DTHD1: variants seen among roughly 807,000 people sequenced by gnomAD.
The protein encoded by DTHD1 is death domain-containing protein 1.
Under a neutral mutation model 74.8 loss-of-function variants are expected in DTHD1, and 59 were observed. The ratio of observed to expected loss-of-function variants is 0.79; its 90% CI spans 0.64 to 0.98. The LOEUF is 0.98. DTHD1 is among the 50% of genes least tolerant of loss of function. DTHD1 has a pLI of 0.00. For missense variants in DTHD1, 1,051 were observed against 1,065.4 expected, an observed-to-expected ratio of 0.99 and a Z score of 0.19; for synonymous variants, 365 against 371.1, an observed-to-expected ratio of 0.98 and a Z score of 0.19.
chr4:36,345,207 A>G lies in DTHD1; in HGVS notation c.*1383A>G, dbSNP rs1292000446. On this transcript the variant is annotated 3_prime_UTR_variant, in exon 10 of 10. Coordinates refer to ENST00000639862, the MANE Select transcript of DTHD1 (RefSeq NM_001170700.3). ...ATTAAAAATAAACAAAACATCTGTA[A>G]ATAGAACATTAAAATGAAAGAAAAA... The G allele has an allele frequency of 3.3e-5, 5 of 152,192 alleles. No homozygotes were observed. The highest frequency in any genetic ancestry group is 6.6e-5 in the Admixed American group (1 of 15,264). 9.4% of individuals were successfully genotyped at this position (152,192 alleles called of 1,614,324 possible).
chr4:36,292,834 T>G (rs1226726309), intron 3 of DTHD1, among the ~76,000 whole-genome samples: 1 of 152,190 alleles, frequency 6.6e-6, no homozygotes, highest in Non-Finnish European at 1.5e-5. Flanking sequence ...ATTTTAAGCT[T>G]TGGTGATTAT....
In DTHD1 at chr4:36,316,457, A is replaced by G. The variant is rs1355998435; in HGVS notation, c.2311A>G (p.Ile771Val). 1 of 1,549,748 alleles carries G rather than the reference A, an allele frequency of 6.5e-7. No individual in the cohort carries two copies. Among genetic ancestry groups the G allele is most frequent in the East Asian group, 2.4e-5 (1 of 40,912 alleles). ...TAATGAAAACCATTCTCAGTTGCCA[A>G]TTTGCAAATTACCATTGAAATTGCC... is the stretch of plus-strand genomic sequence containing the variant. ...VINENHSQLP[I>V]CKLPLKLPKH... is the part of the protein sequence containing the mutation. The change falls in exon 8 of 10, where the codon ATT (isoleucine) becomes GTT (valine). Residue 771 changes from isoleucine to valine, a missense_variant. By Grantham distance (29) the Ile-to-Val change is conservative. Transcript: ENST00000639862.
At chr4:36,312,349 C>G (rs1188264145) in intron 7 of DTHD1, among the ~76,000 whole-genome samples, 3 of 151,898 alleles carry the variant, frequency 2.0e-5, no homozygotes, top group African/African-American at 7.3e-5. Context: ...TCTATCTCTA[C>G]ACCTATATAA....
intron 6 of DTHD1, 87 bp downstream of exon 6, chr4:36,306,439 AT>A (rs1578456770): frequency 7.6e-7 from 1 of 1,321,664 alleles, no homozygotes. Flanking sequence ...GTAAGATTAA[AT>A]TTTTATTCTT....
Position 36,285,654 on chromosome 4 carries a change from A to AT in DTHD1, c.887+1063_887+1064insT, listed in dbSNP as rs1553965768. On this transcript the variant is annotated intron_variant, in intron 2 of 9. Coordinates refer to ENST00000639862, the MANE Select transcript of DTHD1 (RefSeq NM_001170700.3). ...AACACGCTTAGAAGTGAAAAAAAAA[A>AT]ATATGTGTTTTGGGCATCAGACAAA... Among the ~76,000 whole-genome samples, 21 of 151,392 alleles carry AT rather than the reference A, an allele frequency of 1.4e-4. 1 individual carries two copies. The highest frequency in any genetic ancestry group is 7.7e-4 in the East Asian group (4 of 5,176).
chr4:36,321,862 C>A (rs993089), intron 8 of DTHD1, among the ~76,000 whole-genome samples: 41,490 of 152,052 alleles, frequency 0.27, 6,061 homozygotes, highest in South Asian at 0.39. Context: ...CTGCTCTACT[C>A]GCCTCCTCAC....
At chr4:36,301,392 T>C (rs942167919) in intron 5 of DTHD1, among the ~76,000 whole-genome samples, 4 of 152,026 alleles carry the variant, frequency 2.6e-5, no homozygotes, top group Non-Finnish European at 5.9e-5. Flanking sequence ...ATTTTGGGAG[T>C]AGCTCATATC....
chr4:36,345,142 G>A lies in DTHD1; in HGVS notation c.*1318G>A, dbSNP rs750376641. 1.3e-5 allele frequency: 2 copies of A among 152,070 alleles called. No homozygotes were observed. Among genetic ancestry groups the A allele is most frequent in the Non-Finnish European group, 2.9e-5 (2 of 68,002 alleles). 9.4% of individuals were successfully genotyped at this position (152,070 alleles called of 1,614,324 possible). A position where few individuals can be genotyped will look rare whatever the true frequency, so the allele number is the denominator to read the frequency against. On this transcript the variant is annotated 3_prime_UTR_variant, in exon 10 of 10. Transcript: ENST00000639862. ...AGGAAGAAAACCTGCTTTAAAATTA[G>A]TTAACAGAAGCCTTATTACATAAGC...
At chr4:36,308,593 G>C (rs936774585) in intron 7 of DTHD1, 100 bp downstream of exon 7, 3 of 950,518 alleles carry the variant, frequency 3.2e-6, no homozygotes, top group Non-Finnish European at 4.5e-6. Flanking sequence ...ACCTTCAGAG[G>C]ATTGACGAGA....
In DTHD1 at chr4:36,344,344, C is replaced by A. The variant is rs1427900318; in HGVS notation, c.*520C>A. ...GTTCGGGGTAGAGCTTGCTTTTATG[C>A]ATTTTAGGGAGTTATAATATATCAA... On this transcript the variant is annotated 3_prime_UTR_variant, in exon 10 of 10. Coordinates refer to ENST00000639862, the MANE Select transcript of DTHD1 (RefSeq NM_001170700.3). The A allele has an allele frequency of 6.4e-6, 1 of 156,530 alleles. No homozygotes were observed. Among genetic ancestry groups the A allele is most frequent in the East Asian group, 1.9e-4 (1 of 5,308 alleles). The allele number at this position is 156,530 out of a possible 1,614,324, so 9.7% of individuals were successfully genotyped here.
intron 8 of DTHD1, among the ~76,000 whole-genome samples, chr4:36,318,149 G>A (rs1757836570): frequency 6.6e-6 from 1 of 152,168 alleles, no homozygotes; most frequent in Non-Finnish European, 1.5e-5. Flanking sequence ...AATTTGCCCA[G>A]GTTCTCATGG....
intron 4 of DTHD1, among the ~76,000 whole-genome samples, chr4:36,294,493 T>C (rs1407070536): frequency 2.0e-5 from 3 of 152,056 alleles, no homozygotes; most frequent in Non-Finnish European, 2.9e-5. Flanking sequence ...GAAATCATTA[T>C]AAAACATCTA....
Position 36,284,455 on chromosome 4 carries a change from C to G in DTHD1, c.751C>G (p.Gln251Glu), listed in dbSNP as rs2109438005. 1 of 1,537,052 alleles carries G rather than the reference C, an allele frequency of 6.5e-7. No individual in the cohort carries two copies. The highest frequency in any genetic ancestry group is 8.7e-7 in the Non-Finnish European group (1 of 1,146,814). ...AATTCAGACAACAGAGACAGAAATT[C>G]AAGAGACTTCAGAAAGCCCAAGAGA... ...GIIQTTETEIQETSESPREEM... is the reference protein window; with the variant it reads ...GIIQTTETEIEETSESPREEM... Residue 251 changes from glutamine (Q) to glutamate (E), a missense_variant, in exon 2 of 10, where the codon CAA (glutamine) becomes GAA (glutamate). Coordinates refer to ENST00000639862, the MANE Select transcript of DTHD1 (RefSeq NM_001170700.3).
intron 7 of DTHD1, among the ~76,000 whole-genome samples, chr4:36,310,924 C>T (rs1757364660): frequency 6.6e-6 from 1 of 152,110 alleles, no homozygotes; most frequent in Non-Finnish European, 1.5e-5. Flanking sequence ...GCTTCCGGAG[C>T]AGAAACCACA....
intron 2 of DTHD1, among the ~76,000 whole-genome samples, chr4:36,285,116 TA>T (rs1206573078): frequency 6.6e-6 from 1 of 152,220 alleles, no homozygotes; most frequent in Non-Finnish European, 1.5e-5. Flanking sequence ...TGGCCACTAT[TA>T]TTAATATTGT....
intron 8 of DTHD1, among the ~76,000 whole-genome samples, chr4:36,338,625 T>C (rs1017964163): frequency 1.3e-5 from 2 of 151,720 alleles, no homozygotes; most frequent in Non-Finnish European, 2.9e-5. Context: ...AGAAAGCTAG[T>C]GAAATAAATA....
chr4:36,340,817 G>A (rs1212851558), intron 9 of DTHD1, among the ~76,000 whole-genome samples: 1 of 152,006 alleles, frequency 6.6e-6, no homozygotes, highest in Non-Finnish European at 1.5e-5. Context: ...TGAGGGGTGA[G>A]GACAGAAATA....
At chr4:36,295,646 C>T (rs1283984418) in intron 5 of DTHD1, among the ~76,000 whole-genome samples, 1 of 151,942 alleles carries the variant, frequency 6.6e-6, no homozygotes, top group Non-Finnish European at 1.5e-5. Flanking sequence ...ATTTCACAGT[C>T]ATTTGAATAA....
intron 8 of DTHD1, among the ~76,000 whole-genome samples, chr4:36,320,698 G>A (rs1207906605): frequency 6.6e-6 from 1 of 152,146 alleles, no homozygotes; most frequent in African/African-American, 2.4e-5. Flanking sequence ...AATGGGAATT[G>A]AAACTATGAC....
Sources: allele counts gnomAD v4.1 joint callset (sites outside exome capture counted in the v4.1 genomes callset), GRCh38; gene constraint gnomAD v4.1.1; transcripts MANE v1.5; gene names NCBI Gene and HGNC (gene_info 2026-07-23, HGNC 2026-07-21).